Variants in CFAP54 observed in about 807,000 individuals in gnomAD.
CFAP54 encodes cilia and flagella associated protein 54.
CFAP54 carries 290 observed loss-of-function variants against 370.4 expected under a neutral mutation model. That is an observed-to-expected ratio of 0.78 (90% CI 0.71 to 0.86). The LOEUF is 0.86. CFAP54 is among the 40% of genes least tolerant of loss of function. The pLI, the probability that CFAP54 is intolerant of heterozygous loss-of-function variation, is 0.00. For missense variants in CFAP54, 3,399 were observed against 3,528.7 expected, an observed-to-expected ratio of 0.96 and a Z score of 0.93; for synonymous variants, 1,206 against 1,236.5, an observed-to-expected ratio of 0.98 and a Z score of 0.52.
In CFAP54 at chr12:96,679,740, G is replaced by A. The variant is rs766576673; in HGVS notation, c.5704G>A (p.Ala1902Thr). 1 of 1,612,412 alleles carries A rather than the reference G, an allele frequency of 6.2e-7. No homozygotes were observed. Among genetic ancestry groups the A allele is most frequent in the Non-Finnish European group, 8.5e-7 (1 of 1,179,220 alleles). Residue 1902 changes from alanine to threonine, a missense_variant, in exon 40 of 68, where the codon GCA becomes ACA. Ala to Thr is a moderately conservative substitution (Grantham distance 58). Around this residue, in one of 3 missense-constraint regions of CFAP54, gnomAD observed 2,796 missense variants for 2,869.7 expected, o/e 0.97. Transcript: ENST00000524981. ...HSRKLLSLFL[A>T]QTQDVLQASN... is the part of the protein sequence containing the mutation. ...CAGAAAGTTGCTTTCATTATTTCTT[G>A]CACAGACACAAGGTAAAATGCATGT...
At chr12:96,776,618 T>G (rs930564411) in intron 60 of CFAP54, among the ~76,000 whole-genome samples, 3 of 152,226 alleles carry the variant, frequency 2.0e-5, no homozygotes, top group African/African-American at 7.2e-5. Flanking sequence ...TCAACAGCCT[T>G]TTCAGATAAT....
chr12:96,533,801 T>C lies in CFAP54; in HGVS notation c.1367T>C (p.Ile456Thr), dbSNP rs758966607. 9 of 1,513,392 alleles carry C rather than the reference T, an allele frequency of 5.9e-6. No individual in the cohort carries two copies. The South Asian group carries it at 7.6e-5, about 13-fold the overall frequency. The allele number at this position is 1,513,392 out of a possible 1,614,324, so 93.7% of individuals were successfully genotyped here. Residue 456 changes from isoleucine (I) to threonine (T), a missense_variant, in exon 10 of 68, where the codon ATT (isoleucine) becomes ACT (threonine). Ile to Thr is a moderately conservative substitution (Grantham distance 89). Around this residue, in one of 3 missense-constraint regions of CFAP54, gnomAD observed 559 missense variants for 576.7 expected, o/e 0.97. Transcript: ENST00000524981. Reference sequence around the variant, plus strand: ...CTTCTTCCTTTCCTAGTGTCAAATATTGGTGCAGATGGAATGCTTGATTTT... The same window carrying C: ...CTTCTTCCTTTCCTAGTGTCAAATACTGGTGCAGATGGAATGCTTGATTTT... ...AGKELLIMSN[I>T]GADGMLDFPK...
At chr12:96,743,368 A>G (rs758689670) in intron 52 of CFAP54, 34 bp from the exon 53 acceptor site, 5 of 1,605,694 alleles carry the variant, frequency 3.1e-6, no homozygotes, top group Non-Finnish European at 4.3e-6. Context: ...GACTTTCTCA[A>G]TGCATTTTAA....
At chr12:96,578,716 C>T (rs1956004273) in intron 20 of CFAP54, among the ~76,000 whole-genome samples, 1 of 152,184 alleles carries the variant, frequency 6.6e-6, no homozygotes, top group Non-Finnish European at 1.5e-5. Context: ...ACCTTCTCAT[C>T]AGCACTAGAT....
chr12:96,522,689 T>C (rs1215349116), intron 8 of CFAP54, among the ~76,000 whole-genome samples: 1 of 152,244 alleles, frequency 6.6e-6, no homozygotes, highest in African/African-American at 2.4e-5. Flanking sequence ...TATTGCCTAC[T>C]GGAGTCATAT....
At chr12:96,871,228 T>C (rs2136473563) in intron 67 of CFAP54, among the ~76,000 whole-genome samples, 1 of 152,252 alleles carries the variant, frequency 6.6e-6, no homozygotes, top group South Asian at 2.1e-4. Flanking sequence ...CCTCAGAGAT[T>C]TCAACAGCTG....
At chr12:96,504,172 G>C in intron 3 of CFAP54, 143 bp downstream of exon 3, 1 of 731,688 alleles carries the variant, frequency 1.4e-6, no homozygotes, top group Non-Finnish European at 2.0e-6. Flanking sequence ...TACTTTCAGT[G>C]CTGGATAAGA....
chr12:96,681,186 TTATACCAACTC>T (rs1957266747), intron 40 of CFAP54, among the ~76,000 whole-genome samples: 1 of 151,352 alleles, frequency 6.6e-6, no homozygotes, highest in African/African-American at 2.4e-5. Flanking sequence ...TAGGAATGGT[TTATACCAACTC>T]GCTCTGAATC....
At chr12:96,826,416 CAT>C (rs1233868943) in intron 65 of CFAP54, among the ~76,000 whole-genome samples, 92 of 123,072 alleles carry the variant, frequency 7.5e-4, no homozygotes, top group African/African-American at 2.0e-3. Flanking sequence ...ATATAACAAA[CAT>C]ATATAATATA....
chr12:96,825,901 A>G (rs1180724269), intron 65 of CFAP54, among the ~76,000 whole-genome samples: 1 of 139,538 alleles, frequency 7.2e-6, no homozygotes, highest in Non-Finnish European at 1.5e-5. Context: ...ATATATAACT[A>G]TATAACAGAA....
At chr12:96,640,308 G>A (rs1020702332) in intron 32 of CFAP54, among the ~76,000 whole-genome samples, 2 of 152,182 alleles carry the variant, frequency 1.3e-5, no homozygotes, top group African/African-American at 4.8e-5. Context: ...CAAATCATGA[G>A]TGAACTCCCA....
chr12:96,844,651 A>G (rs1383991366), intron 66 of CFAP54, among the ~76,000 whole-genome samples: 2 of 152,218 alleles, frequency 1.3e-5, no homozygotes, highest in Non-Finnish European at 2.9e-5. Context: ...TCTAGTTAAG[A>G]TAGATACTAT....
chr12:96,828,983 C>G (rs1959158537), intron 65 of CFAP54, 31 bp from the exon 66 acceptor site: 1 of 1,162,884 alleles, frequency 8.6e-7, no homozygotes, highest in South Asian at 1.5e-5. Flanking sequence ...ATAATATCAA[C>G]CTCACTGTAT....
chr12:96,537,967 A>G (rs868258852), intron 12 of CFAP54, among the ~76,000 whole-genome samples: 8 of 152,204 alleles, frequency 5.3e-5, no homozygotes, highest in South Asian at 4.2e-4. Context: ...GTGCACCTGT[A>G]TTCCTAGCTA....
At chr12:96,573,476 CAG>C (rs1955945210) in intron 19 of CFAP54, among the ~76,000 whole-genome samples, 5 of 152,084 alleles carry the variant, frequency 3.3e-5, no homozygotes, top group Admixed American at 3.3e-4. Flanking sequence ...TTCGTCCCCT[CAG>C]GGAGCCAAAG....
intron 66 of CFAP54, among the ~76,000 whole-genome samples, chr12:96,851,340 T>C (rs1255696131): frequency 6.6e-6 from 1 of 152,140 alleles, no homozygotes; most frequent in African/African-American, 2.4e-5. Flanking sequence ...ATCCTGACCA[T>C]ATTTAGGTGG....
chr12:96,798,841 T>G (rs1337684863), intron 63 of CFAP54, among the ~76,000 whole-genome samples: 1 of 152,214 alleles, frequency 6.6e-6, no homozygotes, highest in Non-Finnish European at 1.5e-5. Context: ...TAAAGGCACC[T>G]TTAATGTTTA....
intron 4 of CFAP54, among the ~76,000 whole-genome samples, chr12:96,507,558 CAT>C (rs1491144463): frequency 0.12 from 14,156 of 114,818 alleles, 710 homozygotes; most frequent in South Asian, 0.23. Flanking sequence ...CACACACACA[CAT>C]ACACACACAC....
At chr12:96,566,831 T>C (rs565295737) in intron 19 of CFAP54, among the ~76,000 whole-genome samples, 4 of 152,336 alleles carry the variant, frequency 2.6e-5, no homozygotes, top group African/African-American at 9.6e-5. Context: ...CCTGGTAGTA[T>C]GCTGAGTATA....
Sources: gnomAD v4.1 joint callset for allele counts (sites outside exome capture counted in the v4.1 genomes callset) on GRCh38, gnomAD v4.1.1 for gene constraint, gnomAD v4.1.1 regional missense constraint, MANE v1.5 for transcripts, NCBI Gene and HGNC (gene_info 2026-07-23, HGNC 2026-07-21) for gene names.